DOCK9: variants seen among roughly 807,000 people sequenced by gnomAD.
DOCK9 encodes dedicator of cytokinesis 9, also known as dedicator of cytokinesis protein 9.
DOCK9 carries 89 observed loss-of-function variants against 263.3 expected under a neutral mutation model. The ratio of observed to expected loss-of-function variants is 0.34; its 90% CI spans 0.28 to 0.40. DOCK9 has a LOEUF of 0.40. Ranked by LOEUF, DOCK9 falls within the 10% of genes least tolerant of loss-of-function variation. The probability of loss-of-function intolerance (pLI) is 1.00; values close to 1 mark genes in which losing one functional copy is unlikely to be tolerated. For synonymous variants in DOCK9, 976 were observed against 973.1 expected (o/e 1.00, Z -0.06); for missense variants, 2,140 against 2,603.4 (o/e 0.82, Z 3.87).
At chr13:98,882,040 C>A (rs1410062337) in intron 23 of DOCK9, 33 bp from the exon 24 acceptor site, 1 of 1,527,878 alleles carries the variant, frequency 6.5e-7, no homozygotes, top group South Asian at 1.2e-5. Flanking sequence ...TTCATGTTAT[C>A]CTTCTAAAAG....
chr13:99,048,715 CT>C (rs1406980950), intron 1 of DOCK9, among the ~76,000 whole-genome samples: 1 of 152,242 alleles, frequency 6.6e-6, no homozygotes, highest in African/African-American at 2.4e-5. Context: ...CACTCCCATC[CT>C]CACAGTGCCA....
intron 1 of DOCK9, among the ~76,000 whole-genome samples, chr13:99,058,917 C>T (rs2041055081): frequency 6.6e-6 from 1 of 152,172 alleles, no homozygotes; most frequent in South Asian, 2.1e-4. Context: ...CTTCACCTCT[C>T]AGAAGGTTGT....
At chr13:99,048,929 A>G (rs1301249163) in intron 1 of DOCK9, among the ~76,000 whole-genome samples, 2 of 152,248 alleles carry the variant, frequency 1.3e-5, no homozygotes, top group African/African-American at 4.8e-5. Flanking sequence ...ATCATAGCTA[A>G]GTACAAATAA....
At chr13:98,900,469 A>C (rs17710571) in intron 13 of DOCK9, among the ~76,000 whole-genome samples, 19,698 of 152,228 alleles carry the variant, frequency 0.13, 1,359 homozygotes, top group South Asian at 0.2. Flanking sequence ...AAAATAAAAC[A>C]GCTTCTCTCC....
chr13:98,828,438 T>C (rs575070848), intron 43 of DOCK9, among the ~76,000 whole-genome samples: 6 of 152,370 alleles, frequency 3.9e-5, no homozygotes, highest in Middle Eastern at 3.4e-3. Flanking sequence ...TTATGGCCAA[T>C]GTGTGGTTTA....
intron 27 of DOCK9, among the ~76,000 whole-genome samples, chr13:98,876,390 C>T (rs1225345177): frequency 6.6e-6 from 1 of 152,134 alleles, no homozygotes; most frequent in Non-Finnish European, 1.5e-5. Context: ...ACTTGGGAGG[C>T]TAAAGCAGGA....
At chr13:98,806,639 T>C (rs1340229131) in intron 48 of DOCK9, among the ~76,000 whole-genome samples, 1 of 152,196 alleles carries the variant, frequency 6.6e-6, no homozygotes. Context: ...CCAGGCTCGG[T>C]GGCTCACGCC....
chr13:98,924,907 G>A (rs554723769), intron 4 of DOCK9, among the ~76,000 whole-genome samples: 1 of 150,706 alleles, frequency 6.6e-6, no homozygotes, highest in South Asian at 2.1e-4. Flanking sequence ...GCTAATGCTT[G>A]TAATCCCAGC....
intron 1 of DOCK9, among the ~76,000 whole-genome samples, chr13:99,078,031 T>C (rs2041980075): frequency 6.6e-6 from 1 of 152,040 alleles, no homozygotes; most frequent in Non-Finnish European, 1.5e-5. Flanking sequence ...ATTTCATAGT[T>C]GGTGATGAAA....
At chr13:99,015,754 C>T (rs2141976385) in intron 1 of DOCK9, 1 of 1,332,436 alleles carries the variant, frequency 7.5e-7, no homozygotes, top group East Asian at 2.8e-5. Flanking sequence ...CTCTGAGCTG[C>T]CGTACTAGAA....
intron 1 of DOCK9, among the ~76,000 whole-genome samples, chr13:99,041,868 C>A (rs889172311): frequency 1.3e-5 from 2 of 152,152 alleles, no homozygotes; most frequent in African/African-American, 4.8e-5. Flanking sequence ...GGTGACATGG[C>A]CACCAGCCAA....
chr13:98,963,931 T>C (rs2058936526), intron 1 of DOCK9, among the ~76,000 whole-genome samples: 1 of 152,218 alleles, frequency 6.6e-6, no homozygotes, highest in Non-Finnish European at 1.5e-5. Context: ...AGGAATTTCT[T>C]GAAGTTGTCA....
At chr13:99,006,284 A>G (rs1183384714) in intron 1 of DOCK9, among the ~76,000 whole-genome samples, 1 of 152,252 alleles carries the variant, frequency 6.6e-6, no homozygotes, top group African/African-American at 2.4e-5. Flanking sequence ...AACTTGGATC[A>G]GTCATCACAC....
chr13:99,064,466 T>C (rs987862813), intron 1 of DOCK9, among the ~76,000 whole-genome samples: 9 of 152,166 alleles, frequency 5.9e-5, no homozygotes, highest in African/African-American at 2.2e-4. Flanking sequence ...TATCAATCCA[T>C]GCAGTGACTG....
intron 15 of DOCK9, 98 bp from the exon 16 acceptor site, chr13:98,888,809 A>G (rs1219758743): frequency 9.4e-7 from 1 of 1,064,542 alleles, no homozygotes; most frequent in African/African-American, 1.6e-5. Flanking sequence ...AGCAAGCCAT[A>G]AAGACAATTT....
chr13:98,846,512 AT>A, intron 37 of DOCK9: 1 of 1,351,870 alleles, frequency 7.4e-7, no homozygotes, highest in Non-Finnish European at 9.8e-7. Flanking sequence ...TAACACCTTT[AT>A]TCTTACCCAA....
intron 1 of DOCK9, among the ~76,000 whole-genome samples, chr13:98,973,703 T>C (rs553328688): frequency 6.6e-6 from 1 of 152,164 alleles, no homozygotes; most frequent in South Asian, 2.1e-4. Context: ...GCTCAAGCAA[T>C]CCTCCCACCT....
intron 27 of DOCK9, among the ~76,000 whole-genome samples, chr13:98,876,129 T>C (rs1191265037): frequency 6.6e-6 from 1 of 152,190 alleles, no homozygotes; most frequent in Non-Finnish European, 1.5e-5. Flanking sequence ...AAGCACTATC[T>C]GGCTGTTATG....
chr13:99,051,047 G>A (rs1178288559), intron 1 of DOCK9, among the ~76,000 whole-genome samples: 2 of 152,284 alleles, frequency 1.3e-5, no homozygotes, highest in East Asian at 1.9e-4. Context: ...TTCCCAGCCC[G>A]CCTCTGCGAG....
Sources: allele counts gnomAD v4.1 joint callset (sites outside exome capture counted in the v4.1 genomes callset), GRCh38; gene constraint gnomAD v4.1.1; transcripts MANE v1.5; gene names NCBI Gene and HGNC (gene_info 2026-07-23, HGNC 2026-07-21).